The following IKBIP variants were observed in gnomAD, a reference collection of about 807,000 sequenced individuals.
IKBIP encodes IKBKB interacting protein, also known as inhibitor of nuclear factor kappa-B kinase-interacting protein.
In IKBIP, 28 loss-of-function variants were observed where a neutral mutation model predicts 31.0. The ratio of observed to expected loss-of-function variants is 0.90; its 90% CI spans 0.67 to 1.24. The LOEUF (loss-of-function observed/expected upper bound fraction) is 1.24. IKBIP is among the 50% of genes most tolerant of loss of function. The pLI is 0.00. For synonymous variants in IKBIP, 164 were observed against 160.3 expected, an observed-to-expected ratio of 1.02 and a Z score of -0.17; for missense variants, 453 against 441.9, an observed-to-expected ratio of 1.03 and a Z score of -0.23.
Position 98,633,510 on chromosome 12 carries a change from CTTTTTTTTTT to C in IKBIP, c.297+776_297+785del, listed in dbSNP as rs71432181. 1.5e-3 allele frequency among the ~76,000 whole-genome samples: 90 copies of C among 61,400 alleles called. 1 individual carries two copies. Among genetic ancestry groups the C allele is most frequent in the African/African-American group, 5.7e-3 (85 of 14,828 alleles). 40.3% of individuals were successfully genotyped at this position (61,400 alleles called of 152,430 possible). On this transcript the variant is annotated intron_variant, in intron 2 of 2. Transcript: ENST00000299157. ...GCTAGCCGTTCTTTTTTTTTTAATTCTTTTTTTTTTTTTTTTTTTTTTTTGAGACGGATCC... is the reference window on the plus strand; with the variant it reads ...GCTAGCCGTTCTTTTTTTTTTAATTCTTTTTTTTTTTTTTGAGACGGATCC...
rs1248289246 is a variant in IKBIP, at chr12:98,624,315, C to G, written c.*1615G>C. 1.0e-6 allele frequency: 1 copy of G among 978,328 alleles called. No individual in the cohort carries two copies. Among genetic ancestry groups the G allele is most frequent in the Non-Finnish European group, 1.2e-6 (1 of 823,548 alleles). 60.6% of individuals were successfully genotyped at this position (978,328 alleles called of 1,614,324 possible). ...ACAAATAGAATTTTGTCAGTGCACGCAAATAAGAGACATTCAGAAGTCAAG... is the reference window on the plus strand; with the variant it reads ...ACAAATAGAATTTTGTCAGTGCACGGAAATAAGAGACATTCAGAAGTCAAG... On this transcript the variant is annotated 3_prime_UTR_variant, in exon 3 of 3. Transcript: ENST00000299157.
At position 98,634,342 on chromosome 12, in the gene IKBIP, T is replaced by C. The variant is rs780985074; in HGVS notation, c.251A>G (p.Asn84Ser). ...NQYQLLKLETNEFQQLQSKIS... is the reference protein window; with the variant it reads ...NQYQLLKLETSEFQQLQSKIS... ...TTTACTTTGAAGTTGTTGGAATTCATTGGTTTCTAGTTTCAGTAACTGGTA... is the reference window on the plus strand; with the variant it reads ...TTTACTTTGAAGTTGTTGGAATTCACTGGTTTCTAGTTTCAGTAACTGGTA... The change falls in exon 2 of 3, where the codon AAT (asparagine) becomes AGT (serine). Residue 84 changes from asparagine to serine, a missense_variant. Asn to Ser is a conservative substitution (Grantham distance 46). Transcript: ENST00000299157. 1.9e-5 allele frequency: 30 copies of C among 1,604,188 alleles called. No homozygotes were observed. The Admixed American group carries it at 4.2e-4, about 22-fold the overall frequency.
In IKBIP at chr12:98,624,465, G is replaced by C; in HGVS notation, c.*1465C>G. On this transcript the variant is annotated 3_prime_UTR_variant, in exon 3 of 3. Transcript: ENST00000299157. ...CTAACTCCAGTGGAGAAGGAGTTTGGGGGTTCTCCAAAAACTTGCAAATTT... is the reference window on the plus strand; with the variant it reads ...CTAACTCCAGTGGAGAAGGAGTTTGCGGGTTCTCCAAAAACTTGCAAATTT... The C allele has an allele frequency of 1.0e-6, 1 of 985,098 alleles. No homozygotes were observed. Among genetic ancestry groups the C allele is most frequent in the Non-Finnish European group, 1.2e-6 (1 of 829,722 alleles). The allele number at this position is 985,098 out of a possible 1,614,324, so 61.0% of individuals were successfully genotyped here.
chr12:98,637,756 G>C (rs1313394606), intron 1 of IKBIP, among the ~76,000 whole-genome samples: 4 of 151,942 alleles, frequency 2.6e-5, no homozygotes, highest in African/African-American at 9.7e-5. Flanking sequence ...TGCTGCCTAG[G>C]CTGGAGTGCA....
At chr12:98,635,586 A>G (rs1376857467) in intron 1 of IKBIP, among the ~76,000 whole-genome samples, 1 of 152,216 alleles carries the variant, frequency 6.6e-6, no homozygotes, top group Non-Finnish European at 1.5e-5. Context: ...ATTTAGAACA[A>G]GATCTTTGAT....
At chr12:98,613,870 A>G in exon 3 of IKBIP, 1 of 1,613,120 alleles carries the variant, frequency 6.2e-7, no homozygotes. Context: ...ATCTATCTGT[A>G]TGTTTGTCGA....
Position 98,625,789 on chromosome 12 carries a change from T to C in IKBIP, c.*141A>G, listed in dbSNP as rs1469517494. On this transcript the variant is annotated 3_prime_UTR_variant, in exon 3 of 3. Coordinates refer to ENST00000299157, the MANE Select transcript of IKBIP (RefSeq NM_153687.4). ...TGCTTAAAAAGATAAGCTTTGATTA[T>C]GTGGATAATCCATTTGTGTGGACAT... The C allele has an allele frequency of 2.8e-5, 16 of 574,532 alleles. No homozygotes were observed. Among genetic ancestry groups the C allele is most frequent in the Non-Finnish European group, 4.0e-5 (15 of 379,592 alleles). The allele number at this position is 574,532 out of a possible 1,614,324, so 35.6% of individuals were successfully genotyped here.
rs186818200 is a variant in IKBIP at position 98,639,287 on chromosome 12, C to T, written c.180-4874G>A. On this transcript the variant is annotated intron_variant, in intron 1 of 2. Coordinates refer to ENST00000299157, the MANE Select transcript of IKBIP (RefSeq NM_153687.4). ...GATTGCATAAGGGAAGCAGGGTTCCCGACCACTTGCACTTGATAGAAGCCC... is the reference window on the plus strand; with the variant it reads ...GATTGCATAAGGGAAGCAGGGTTCCTGACCACTTGCACTTGATAGAAGCCC... 4.5e-4 allele frequency among the ~76,000 whole-genome samples: 69 copies of T among 152,298 alleles called. 2 individuals are homozygous for T. Among genetic ancestry groups the T allele is most frequent in the African/African-American group, 1.5e-3 (63 of 41,560 alleles).
Position 98,625,233 on chromosome 12 carries a change from G to A in IKBIP, c.*697C>T. The A allele has an allele frequency of 1.0e-6, 1 of 977,298 alleles. No homozygotes were observed. Among genetic ancestry groups the A allele is most frequent in the Non-Finnish European group, 1.2e-6 (1 of 822,534 alleles). 60.5% of individuals were successfully genotyped at this position (977,298 alleles called of 1,614,324 possible). The stretch of plus-strand genomic sequence containing the variant: ...ACATAATTCCTAAGAAAGGCCTTAT[G>A]TAAGAACATACTTACTCTGATTTTA... On this transcript the variant is annotated 3_prime_UTR_variant, in exon 3 of 3. Coordinates refer to ENST00000299157, the MANE Select transcript of IKBIP (RefSeq NM_153687.4).
Position 98,618,846 on chromosome 12 carries a change from T to C in IKBIP, c.298-4506A>G, listed in dbSNP as rs570533957. ...TACATTTAGTTTTACTTAACACAAA[T>C]AAAAATGAATTATGCTCAGAATATT... On this transcript the variant is annotated intron_variant, in intron 2 of 2. Coordinates refer to the IKBIP transcript ENST00000342502. 8.5e-5 allele frequency among the ~76,000 whole-genome samples: 13 copies of C among 152,248 alleles called. No homozygotes were observed. In the South Asian group the frequency reaches 1.2e-3, roughly 15 times the overall value.
Position 98,626,331 on chromosome 12 carries a change from G to C in IKBIP, c.733C>G (p.Gln245Glu), listed in dbSNP as rs769845101. 32 of 1,614,078 alleles carry C rather than the reference G, an allele frequency of 2.0e-5. No individual in the cohort carries two copies. The highest frequency in any genetic ancestry group is 2.7e-5 in the Non-Finnish European group (32 of 1,179,940). The change falls in exon 3 of 3, where the codon CAG becomes GAG. Residue 245 changes from glutamine to glutamate, a missense_variant. By Grantham distance (29) the Gln-to-Glu change is conservative. Transcript: ENST00000299157. ...TKAIEKLEEE[Q>E]HALFARDEDL... is the part of the protein sequence containing the mutation. ...TCATCTCTGGCAAAGAGGGCATGCT[G>C]TTCCTCTTCTAACTTTTCAATTGCC... is the stretch of plus-strand genomic sequence containing the variant.
downstream of IKBIP, among the ~76,000 whole-genome samples, chr12:98,623,564 T>C (rs2097611744): frequency 8.2e-6 from 1 of 121,580 alleles, no homozygotes; most frequent in African/African-American, 3.7e-5. Context: ...CTTACACTTT[T>C]TTTTTTTTTT....
chr12:98,633,510 C>CTTT (rs71432181), intron 2 of IKBIP, among the ~76,000 whole-genome samples: 925 of 61,442 alleles, frequency 0.015, 17 homozygotes, highest in African/African-American at 0.017. Context: ...TTTTTTAATT[C>CTTT]TTTTTTTTTT....
At chr12:98,613,659 A>G (rs771304106) in exon 3 of IKBIP, 7 of 1,584,454 alleles carry the variant, frequency 4.4e-6, no homozygotes, top group Admixed American at 3.5e-5. Flanking sequence ...GTTAAATTAG[A>G]TATTTTTTCA....
intron 1 of IKBIP, among the ~76,000 whole-genome samples, chr12:98,636,506 AT>A (rs1226353282): frequency 6.6e-6 from 1 of 152,256 alleles, no homozygotes; most frequent in Non-Finnish European, 1.5e-5. Flanking sequence ...GAATTCATAA[AT>A]GGCATCATTA....
At chr12:98,620,093 A>AT (rs772601870), downstream of IKBIP, among the ~76,000 whole-genome samples, 5,057 of 95,050 alleles carry the variant, frequency 0.053, 151 homozygotes, top group African/African-American at 0.11. Flanking sequence ...TAAGTTTTCT[A>AT]TTTTTTTTTT....
chr12:98,643,655 A>C (rs1033722598), intron 1 of IKBIP, among the ~76,000 whole-genome samples: 14 of 152,194 alleles, frequency 9.2e-5, no homozygotes, highest in African/African-American at 3.4e-4. Context: ...TTTTAAGTGA[A>C]CACAAGTGCT....
In IKBIP at chr12:98,626,144, A is replaced by G; in HGVS notation, c.920T>C (p.Met307Thr). Reference sequence around the variant, plus strand: ...CACTGCTTTCAGCATATCATCTTCCATATTAAACATCTGCATAGTCAAGTC... The same window carrying G: ...CACTGCTTTCAGCATATCATCTTCCGTATTAAACATCTGCATAGTCAAGTC... ...MEDLTMQMFNMEDDMLKAVSE... is the reference protein window; with the variant it reads ...MEDLTMQMFNTEDDMLKAVSE... Residue 307 changes from methionine (M) to threonine (T), a missense_variant, in exon 3 of 3, where the codon ATG (methionine) becomes ACG (threonine). Coordinates refer to ENST00000299157, the MANE Select transcript of IKBIP (RefSeq NM_153687.4). 6.2e-7 allele frequency: 1 copy of G among 1,611,406 alleles called. No individual in the cohort carries two copies. The highest frequency in any genetic ancestry group is 8.5e-7 in the Non-Finnish European group (1 of 1,178,242).
At chr12:98,627,730 G>A (rs913996929) in intron 2 of IKBIP, among the ~76,000 whole-genome samples, 2 of 152,158 alleles carry the variant, frequency 1.3e-5, no homozygotes, top group African/African-American at 2.4e-5. Context: ...GAGCCACCGC[G>A]CCCAGCCCTC....
Sources: allele counts gnomAD v4.1 joint callset (sites outside exome capture counted in the v4.1 genomes callset), GRCh38; gene constraint gnomAD v4.1.1; transcripts MANE v1.5; gene names NCBI Gene and HGNC (gene_info 2026-07-23, HGNC 2026-07-21).